Variants in TLN2 observed in about 807,000 individuals in gnomAD.
TLN2 encodes talin 2.
In TLN2, 118 loss-of-function variants were observed where a neutral mutation model predicts 294.7. That is an observed-to-expected ratio of 0.40 (90% CI 0.34 to 0.47). TLN2 has a LOEUF of 0.47. TLN2 is among the 20% of genes least tolerant of loss of function. The probability of loss-of-function intolerance (pLI) is 0.84; values close to 1 mark genes in which losing one functional copy is unlikely to be tolerated. For synonymous variants in TLN2, 1,431 were observed against 1,304.5 expected, an observed-to-expected ratio of 1.10 and a Z score of -2.09; for missense variants, 3,083 against 3,282.2, an observed-to-expected ratio of 0.94 and a Z score of 1.48.
intron 29 of TLN2, among the ~76,000 whole-genome samples, chr15:62,737,551 C>T (rs1026524049): frequency 5.3e-5 from 8 of 152,168 alleles, no homozygotes; most frequent in South Asian, 2.1e-4. Flanking sequence ...GAGTCCTGGA[C>T]GTGGGGCTGG....
At chr15:62,694,426 T>C (rs1162208660) in intron 14 of TLN2, 34 bp downstream of exon 14, 2 of 1,583,666 alleles carry the variant, frequency 1.3e-6, no homozygotes, top group African/African-American at 2.7e-5. Flanking sequence ...AGGACCACCT[T>C]CTCCCTAGAT....
intron 50 of TLN2, among the ~76,000 whole-genome samples, chr15:62,801,143 A>G (rs2065903925): frequency 6.6e-6 from 1 of 152,214 alleles, no homozygotes; most frequent in South Asian, 2.1e-4. Flanking sequence ...CTTGATGCAC[A>G]TTGCTCTTGG....
At chr15:62,810,266 A>G (rs2066590839) in intron 52 of TLN2, among the ~76,000 whole-genome samples, 1 of 152,190 alleles carries the variant, frequency 6.6e-6, no homozygotes, top group Admixed American at 6.5e-5. Flanking sequence ...CAGTTCTCTC[A>G]TGCACCTAAA....
intron 1 of TLN2, among the ~76,000 whole-genome samples, chr15:62,527,154 A>T (rs536459939): frequency 6.6e-6 from 1 of 152,154 alleles, no homozygotes; most frequent in African/African-American, 2.4e-5. Flanking sequence ...AGTGCATACC[A>T]TAGCCAGTGG....
intron 1 of TLN2, among the ~76,000 whole-genome samples, chr15:62,511,048 A>G (rs977699510): frequency 2.0e-5 from 3 of 152,220 alleles, no homozygotes; most frequent in African/African-American, 7.2e-5. Flanking sequence ...ACCCAATGCT[A>G]GGCTCTACAG....
chr15:62,554,752 C>CT lies in TLN2; in HGVS notation c.-237-34935_-237-34934insT, dbSNP rs2042514909. Reference sequence around the variant, plus strand: ...GCCTCAGTTTCACCTAACAAGGAGACAGGCCTCGAGCATTGTTAAGAGCCA... The same window carrying CT: ...GCCTCAGTTTCACCTAACAAGGAGACTAGGCCTCGAGCATTGTTAAGAGCCA... On this transcript the variant is annotated intron_variant, in intron 1 of 58. Transcript: ENST00000636159. Among the ~76,000 whole-genome samples, 3 of 152,144 alleles carry CT rather than the reference C, an allele frequency of 2.0e-5. No homozygotes were observed. The South Asian group carries it at 6.2e-4, about 32-fold the overall frequency.
intron 1 of TLN2, among the ~76,000 whole-genome samples, chr15:62,458,783 A>G (rs1378436675): frequency 1.3e-5 from 2 of 151,984 alleles, no homozygotes; most frequent in Non-Finnish European, 2.9e-5. Context: ...AGAAAAAATA[A>G]AAAACTCAAG....
intron 9 of TLN2, among the ~76,000 whole-genome samples, chr15:62,667,643 T>C (rs1394134788): frequency 1.3e-5 from 2 of 152,188 alleles, no homozygotes; most frequent in Non-Finnish European, 2.9e-5. Context: ...AGAGAAACGG[T>C]GACTTCCCTG....
chr15:62,624,233 G>C (rs2049073222), intron 3 of TLN2, among the ~76,000 whole-genome samples: 1 of 152,196 alleles, frequency 6.6e-6, no homozygotes, highest in African/African-American at 2.4e-5. Flanking sequence ...TTTGCATGTG[G>C]TCACATTTTT....
intron 3 of TLN2, among the ~76,000 whole-genome samples, chr15:62,633,980 C>T (rs2050149286): frequency 6.6e-6 from 1 of 152,146 alleles, no homozygotes; most frequent in Admixed American, 6.6e-5. Flanking sequence ...TCCTGTGTAT[C>T]TGTGTCCAAA....
At chr15:62,529,785 A>G (rs1010974755) in intron 1 of TLN2, among the ~76,000 whole-genome samples, 17 of 152,216 alleles carry the variant, frequency 1.1e-4, no homozygotes, top group Non-Finnish European at 2.2e-4. Flanking sequence ...TAAATATAGG[A>G]CTTCTGGTTC....
chr15:62,755,316 C>A (rs2062176251), intron 36 of TLN2: 3 of 543,724 alleles, frequency 5.5e-6, no homozygotes, highest in African/African-American at 3.8e-5. Flanking sequence ...ACTATGTCAG[C>A]ACCTCCTTTT....
chr15:62,667,153 A>G (rs2054780341), intron 9 of TLN2, among the ~76,000 whole-genome samples: 1 of 152,026 alleles, frequency 6.6e-6, no homozygotes, highest in Non-Finnish European at 1.5e-5. Flanking sequence ...TTTTTAGTAG[A>G]GACGGGGTTT....
At chr15:62,451,343 G>A (rs1595835348) in intron 1 of TLN2, among the ~76,000 whole-genome samples, 1 of 152,142 alleles carries the variant, frequency 6.6e-6, no homozygotes, top group East Asian at 1.9e-4. Flanking sequence ...GGGCTGCTGA[G>A]GAGAATCTGG....
intron 37 of TLN2, among the ~76,000 whole-genome samples, chr15:62,759,019 A>G (rs898341042): frequency 6.6e-6 from 1 of 152,228 alleles, no homozygotes; most frequent in African/African-American, 2.4e-5. Context: ...AAGGGGGAAC[A>G]CTTGGAGCAG....
intron 41 of TLN2, among the ~76,000 whole-genome samples, chr15:62,769,098 C>G (rs1313087148): frequency 6.6e-6 from 1 of 152,238 alleles, no homozygotes; most frequent in Non-Finnish European, 1.5e-5. Flanking sequence ...ATTCTCAGCA[C>G]ACAGCAACCG....
rs1046823249 is a variant in TLN2 at position 62,465,070 on chromosome 15, T to G, written c.-238+74385T>G. Among the ~76,000 whole-genome samples the G allele has an allele frequency of 2.1e-4, 31 of 150,322 alleles. No homozygotes were observed. In the South Asian group the frequency reaches 5.1e-3, roughly 25 times the overall value. On this transcript the variant is annotated intron_variant, in intron 1 of 58. Transcript: ENST00000636159. ...TTCCTCTCTCATTTGCTCTAATGGA[T>G]AATGCATGTACTTGGGAAACTTGTG...
At chr15:62,840,424 G>A (rs2070517158) in intron 58 of TLN2, 58 bp from the exon 59 acceptor site, 2 of 1,598,218 alleles carry the variant, frequency 1.3e-6, no homozygotes, top group South Asian at 2.3e-5. Context: ...GCAGTGGGGT[G>A]GGTCGGAGGG....
At position 62,776,837 on chromosome 15, in the gene TLN2, C is replaced by T. The variant is rs534142456; in HGVS notation, c.5441C>T (p.Thr1814Met). The change falls in exon 43 of 59, where the codon ACG becomes ATG. Residue 1814 changes from threonine (T) to methionine (M), a missense_variant. Physicochemically the swap from Thr to Met is moderately conservative, Grantham distance 81 (BLOSUM62 -1). Transcript: ENST00000636159. The stretch of plus-strand genomic sequence containing the variant: ...GAAGCCGTGGATGACATCATGGTGA[C>T]GCTGAACGAAGCTGCCAGTGAAGTG... ...MKEAVDDIMV[T>M]LNEAASEVGL... 1.8e-5 allele frequency: 29 copies of T among 1,601,314 alleles called. No homozygotes were observed. Among genetic ancestry groups the T allele is most frequent in the East Asian group, 1.1e-4 (5 of 43,622 alleles).
Sources: gnomAD v4.1 joint callset for allele counts (sites outside exome capture counted in the v4.1 genomes callset) on GRCh38, gnomAD v4.1.1 for gene constraint, MANE v1.5 for transcripts, NCBI Gene and HGNC (gene_info 2026-07-23, HGNC 2026-07-21) for gene names.